ZFR: variants seen among roughly 807,000 people sequenced by gnomAD.
The protein encoded by ZFR is zinc finger RNA-binding protein.
A neutral mutation model predicts 130.7 loss-of-function variants in ZFR; 19 were observed. The ratio of observed to expected loss-of-function variants is 0.15; its 90% CI spans 0.10 to 0.21. The LOEUF (loss-of-function observed/expected upper bound fraction) is 0.21, where lower values mean the gene tolerates loss of function less well. Among genes scored for constraint, ZFR ranks in the 10% least tolerant of loss-of-function variants. ZFR has a pLI of 1.00. For synonymous variants in ZFR, 466 were observed against 456.9 expected (o/e 1.02, Z -0.25); for missense variants, 872 against 1,321.5 (o/e 0.66, Z 5.27).
rs1299489194 is a variant in ZFR at position 32,407,016 on chromosome 5, A to G, written c.790T>C (p.Ser264Pro). The change falls in exon 6 of 20, where the codon TCT (serine) becomes CCT (proline). Residue 264 changes from serine to proline, a missense_variant. Transcript: ENST00000265069. ...STTAVTYSGTSYSGYEAAVYS... is the reference protein window; with the variant it reads ...STTAVTYSGTPYSGYEAAVYS... ...ACTGCTGCTTCATAACCTGAATAAG[A>G]CGTACCTTACAAATAAAAATCAAAC... 2.0e-6 allele frequency: 3 copies of G among 1,493,638 alleles called. No individual in the cohort carries two copies. The African/African-American group carries it at 4.3e-5, about 21-fold the overall frequency. 92.5% of individuals were successfully genotyped at this position (1,493,638 alleles called of 1,614,324 possible).
At chr5:32,402,501 C>T (rs1025631612) in intron 8 of ZFR, among the ~76,000 whole-genome samples, 1 of 151,638 alleles carries the variant, frequency 6.6e-6, no homozygotes. Context: ...CGTTGTGGTG[C>T]ATGCTTATAA....
At chr5:32,427,374 C>CAAAAAAAAAAA (rs540663022) in intron 2 of ZFR, among the ~76,000 whole-genome samples, 1 of 66,500 alleles carries the variant, frequency 1.5e-5, no homozygotes, top group African/African-American at 6.5e-5. Flanking sequence ...GACTCTGTCT[C>CAAAAAAAAAAA]AAAAAAAAAA....
intron 2 of ZFR, among the ~76,000 whole-genome samples, chr5:32,427,700 A>G (rs186182103): frequency 2.0e-5 from 3 of 152,346 alleles, no homozygotes; most frequent in African/African-American, 7.2e-5. Flanking sequence ...AAAATATTAG[A>G]ACAAAGTTGG....
chr5:32,361,325 G>A lies in ZFR; in HGVS notation c.3045+2623C>T, dbSNP rs145942530. On this transcript the variant is annotated intron_variant, in intron 19 of 19. Transcript: ENST00000265069. Reference sequence around the variant, plus strand: ...AAGTCTCAAAGTCATCTGTAGTCAGGACTTGATACAGCATTCTACTTCATC... The same window carrying A: ...AAGTCTCAAAGTCATCTGTAGTCAGAACTTGATACAGCATTCTACTTCATC... Among the ~76,000 whole-genome samples the A allele has an allele frequency of 9.7e-4, 147 of 152,264 alleles. 1 individual carries two copies. The East Asian group carries it at 0.025, about 26-fold the overall frequency.
chr5:32,360,640 C>T (rs1472942173), intron 19 of ZFR, among the ~76,000 whole-genome samples: 5 of 151,482 alleles, frequency 3.3e-5, no homozygotes, highest in Non-Finnish European at 7.4e-5. Flanking sequence ...TATTTGTGTA[C>T]AAGTTTTTGT....
chr5:32,364,191 A>G lies in ZFR; in HGVS notation c.2920T>C (p.Cys974Arg). The change falls in exon 18 of 20, where the codon TGC (cysteine) becomes CGC (arginine). Residue 974 changes from cysteine (C) to arginine (R), a missense_variant. Cys to Arg is a radical substitution (Grantham distance 180, BLOSUM62 -3). This residue lies in a region of ZFR where 158 missense variants were observed against 264.0 expected (regional missense o/e 0.60). Coordinates refer to ENST00000265069, the MANE Select transcript of ZFR (RefSeq NM_016107.5). Reference protein sequence around the residue: ...PGDALRRVFECISSGIILKGS... With the variant: ...PGDALRRVFERISSGIILKGS... ...TTAAGAATAATCCCTGAAGAAATGC[A>G]TTCAAAAACTCTTCTCAGTGCATCC... 1 of 1,612,292 alleles carries G rather than the reference A, an allele frequency of 6.2e-7. No homozygotes were observed. Among genetic ancestry groups the G allele is most frequent in the Non-Finnish European group, 8.5e-7 (1 of 1,178,518 alleles).
At chr5:32,418,329 A>G (rs1753878962) in intron 3 of ZFR, among the ~76,000 whole-genome samples, 1 of 152,190 alleles carries the variant, frequency 6.6e-6, no homozygotes, top group Admixed American at 6.5e-5. Context: ...CAATCAGAAC[A>G]ATCACCAAAA....
intron 14 of ZFR, 86 bp downstream of exon 14, chr5:32,387,463 T>A: frequency 6.7e-7 from 1 of 1,495,112 alleles, no homozygotes; most frequent in Non-Finnish European, 9.0e-7. Context: ...AAAGGCTGGC[T>A]TAGGTTTAAA....
intron 8 of ZFR, among the ~76,000 whole-genome samples, chr5:32,402,559 G>A (rs952668881): frequency 6.0e-5 from 9 of 150,404 alleles, no homozygotes; most frequent in Non-Finnish European, 1.2e-4. Context: ...GAGCTCAGGA[G>A]AATTCGAGAT....
chr5:32,413,354 A>G (rs886889511), intron 5 of ZFR, among the ~76,000 whole-genome samples: 5 of 152,218 alleles, frequency 3.3e-5, no homozygotes, highest in Admixed American at 2.6e-4. Flanking sequence ...AATAGCACGT[A>G]TAAGACAAAT....
chr5:32,400,308 C>T, intron 8 of ZFR, 105 bp from the exon 9 acceptor site: 1 of 800,600 alleles, frequency 1.2e-6, no homozygotes, highest in Non-Finnish European at 1.8e-6. Flanking sequence ...AATAGTCAAA[C>T]TCCTAACTGA....
At chr5:32,392,532 A>G (rs949289576) in intron 11 of ZFR, among the ~76,000 whole-genome samples, 3 of 152,212 alleles carry the variant, frequency 2.0e-5, no homozygotes, top group African/African-American at 7.2e-5. Flanking sequence ...ATTTACCACA[A>G]AAGAAGTATA....
At chr5:32,429,086 C>T (rs1413397189) in intron 2 of ZFR, among the ~76,000 whole-genome samples, 2 of 149,148 alleles carry the variant, frequency 1.3e-5, no homozygotes, top group Non-Finnish European at 3.0e-5. Flanking sequence ...CCCGGGTTCA[C>T]GCCATTCTCC....
At chr5:32,405,006 T>C (rs1295153225) in intron 6 of ZFR, among the ~76,000 whole-genome samples, 3 of 152,186 alleles carry the variant, frequency 2.0e-5, no homozygotes, top group Non-Finnish European at 2.9e-5. Flanking sequence ...TTGGTAAAGA[T>C]GGGATTTGGC....
chr5:32,383,988 A>C (rs1158399599), intron 15 of ZFR, among the ~76,000 whole-genome samples: 1 of 152,240 alleles, frequency 6.6e-6, no homozygotes, highest in Non-Finnish European at 1.5e-5. Context: ...TGGGTCAGAC[A>C]AAAATATAAT....
chr5:32,415,053 C>T lies in ZFR; in HGVS notation c.700G>A (p.Val234Ile), dbSNP rs367828368. Reference sequence around the variant, plus strand: ...GTAGCCGCAGCTGCTACTGGCTGTACGGTGGAGGATACAGGATAGATGGAG... The same window carrying T: ...GTAGCCGCAGCTGCTACTGGCTGTATGGTGGAGGATACAGGATAGATGGAG... ...TFSIYPVSST[V>I]QPVAAAATVV... Residue 234 changes from valine (V) to isoleucine (I), a missense_variant, in exon 5 of 20, where the codon GTA becomes ATA. Physicochemically the swap from Val to Ile is conservative, Grantham distance 29 (BLOSUM62 3). Coordinates refer to ENST00000265069, the MANE Select transcript of ZFR (RefSeq NM_016107.5). 3.8e-5 allele frequency: 61 copies of T among 1,613,862 alleles called. No homozygotes were observed. The highest frequency in any genetic ancestry group is 3.3e-4 in the Middle Eastern group (2 of 6,080).
chr5:32,411,658 C>A (rs561334053), intron 5 of ZFR, among the ~76,000 whole-genome samples: 29 of 129,816 alleles, frequency 2.2e-4, no homozygotes, highest in African/African-American at 8.8e-4. Context: ...CACTGCACCC[C>A]AGCCTGGGCA....
At chr5:32,442,287 G>A (rs2111882621) in intron 2 of ZFR, among the ~76,000 whole-genome samples, 1 of 152,248 alleles carries the variant, frequency 6.6e-6, no homozygotes, top group East Asian at 1.9e-4. Flanking sequence ...CAGATTTATG[G>A]CACAGATGCT....
intron 13 of ZFR, 79 bp from the exon 14 acceptor site, chr5:32,387,778 G>C: frequency 7.4e-7 from 1 of 1,347,794 alleles, no homozygotes; most frequent in Non-Finnish European, 9.8e-7. Context: ...ACAATAGTAA[G>C]TGAAATAACT....
Sources: gnomAD v4.1 joint callset for allele counts (sites outside exome capture counted in the v4.1 genomes callset) on GRCh38, gnomAD v4.1.1 for gene constraint, gnomAD v4.1.1 regional missense constraint, MANE v1.5 for transcripts, NCBI Gene and HGNC (gene_info 2026-07-23, HGNC 2026-07-21) for gene names.